Variants in SLC60A1 observed in about 807,000 individuals in gnomAD.
The protein encoded by SLC60A1 is solute carrier family 60 member 1.
the SLC60A1 span, chr1:205,600,188 G>A: frequency 1.4e-5 from 7 of 502,734 alleles, no homozygotes; most frequent in African/African-American, 1.4e-4. Flanking sequence ...CTTATTCATG[G>A]GAGACAGACA....
At chr1:205,597,937 T>A in the SLC60A1 span, 1 of 1,353,996 alleles carries the variant, frequency 7.4e-7, no homozygotes, top group Non-Finnish European at 1.1e-6. Flanking sequence ...CCTTCTGAAC[T>A]CAAACTGTCC....
At chr1:205,588,662 A>G in the SLC60A1 span, among the ~76,000 whole-genome samples, 1 of 149,598 alleles carries the variant, frequency 6.7e-6, no homozygotes, top group South Asian at 2.1e-4. Context: ...TGTAGATGTG[A>G]AGTGCCTGTG....
At chr1:205,572,527 G>A in the SLC60A1 span, among the ~76,000 whole-genome samples, 3 of 152,090 alleles carry the variant, frequency 2.0e-5, no homozygotes, top group African/African-American at 4.8e-5. Context: ...CCCAGACCTA[G>A]CTATGACTCC....
chr1:205,580,539 G>C, the SLC60A1 span: 1 of 1,293,236 alleles, frequency 7.7e-7, no homozygotes, highest in East Asian at 2.3e-5. This position sits in a 1 kb window ranked among gnomAD's most constrained non-coding sequence, Gnocchi z 5.0. Flanking sequence ...CCTACATGGG[G>C]CAGAGGGTGG....
chr1:205,579,551 C>T, the SLC60A1 span: 1 of 620,084 alleles, frequency 1.6e-6, no homozygotes, highest in Admixed American at 2.8e-5. Context: ...CTGCAGCCAC[C>T]TTGTGAGGTA....
chr1:205,594,508 T>C, the SLC60A1 span, among the ~76,000 whole-genome samples: 1 of 151,866 alleles, frequency 6.6e-6, no homozygotes. Flanking sequence ...GTACAAAAAT[T>C]AGCTAGGCGT....
chr1:205,581,449 C>T, the SLC60A1 span, among the ~76,000 whole-genome samples: 6 of 152,234 alleles, frequency 3.9e-5, no homozygotes, highest in East Asian at 3.9e-4. The surrounding 1 kb of genome is among the most constrained non-coding windows in gnomAD (Gnocchi z 4.2). Context: ...TACCGAGGCC[C>T]GCTTTGTACA....
chr1:205,575,788 C>T, the SLC60A1 span, among the ~76,000 whole-genome samples: 1 of 152,160 alleles, frequency 6.6e-6, no homozygotes, highest in Non-Finnish European at 1.5e-5. Flanking sequence ...CTGAGACTTC[C>T]TGAAGTAGGT....
the SLC60A1 span, among the ~76,000 whole-genome samples, chr1:205,590,228 G>A: frequency 3.8e-3 from 586 of 152,284 alleles, 4 homozygotes; most frequent in African/African-American, 0.013. Context: ...AGGGCACTGC[G>A]GACATGGAAG....
the SLC60A1 span, among the ~76,000 whole-genome samples, chr1:205,585,478 ACTT>A: frequency 6.6e-6 from 1 of 152,060 alleles, no homozygotes; most frequent in Non-Finnish European, 1.5e-5. This position sits in a 1 kb window ranked among gnomAD's most constrained non-coding sequence, Gnocchi z 4.2. Context: ...TTTTCCAGAA[ACTT>A]CTTAGGATTA....
chr1:205,585,969 C>G, the SLC60A1 span: 1 of 1,499,146 alleles, frequency 6.7e-7, no homozygotes, highest in Non-Finnish European at 8.9e-7. The surrounding 1 kb of genome is among the most constrained non-coding windows in gnomAD (Gnocchi z 4.2). Context: ...GCCTGGGCTC[C>G]CTTTGTGAGG....
At chr1:205,587,724 A>G in the SLC60A1 span, among the ~76,000 whole-genome samples, 1 of 152,148 alleles carries the variant, frequency 6.6e-6, no homozygotes, top group South Asian at 2.1e-4. Flanking sequence ...GGAGAGCGGG[A>G]GTGGAGGAGG....
At chr1:205,572,221 G>T in the SLC60A1 span, among the ~76,000 whole-genome samples, 1 of 152,204 alleles carries the variant, frequency 6.6e-6, no homozygotes, top group Non-Finnish European at 1.5e-5. Flanking sequence ...CAGGAAAGGG[G>T]AAGGGGTATT....
the SLC60A1 span, among the ~76,000 whole-genome samples, chr1:205,590,822 G>A: frequency 8.5e-5 from 13 of 152,250 alleles, no homozygotes; most frequent in South Asian, 2.3e-3. Context: ...CTCCTGAGAC[G>A]TCTAAGAAAA....
At chr1:205,594,988 C>T in the SLC60A1 span, 1 of 152,196 alleles carries the variant, frequency 6.6e-6, no homozygotes, top group Non-Finnish European at 1.5e-5. Flanking sequence ...CTAATGTGCA[C>T]CTAGAGGTGA....
At chr1:205,569,474 G>GCCTC in the SLC60A1 span, among the ~76,000 whole-genome samples, 36,892 of 137,236 alleles carry the variant, frequency 0.27, 5,515 homozygotes, top group East Asian at 0.85. Flanking sequence ...CCGAAGAGCT[G>GCCTC]CCTCCCTCCC....
At chr1:205,580,635 A>ACC in the SLC60A1 span, 20 of 852,410 alleles carry the variant, frequency 2.3e-5, no homozygotes, top group South Asian at 8.4e-5. This position sits in a 1 kb window ranked among gnomAD's most constrained non-coding sequence, Gnocchi z 5.0. Flanking sequence ...CCCCACCCCC[A>ACC]CCCGCCACCT....
At chr1:205,594,200 C>A in the SLC60A1 span, among the ~76,000 whole-genome samples, 2 of 152,212 alleles carry the variant, frequency 1.3e-5, no homozygotes. Context: ...AGCCACGCAC[C>A]CAGCTCCCAT....
the SLC60A1 span, among the ~76,000 whole-genome samples, chr1:205,590,827 A>C: frequency 6.6e-6 from 1 of 152,228 alleles, no homozygotes; most frequent in African/African-American, 2.4e-5. Flanking sequence ...GAGACGTCTA[A>C]GAAAAGCCCA....
Sources: allele counts gnomAD v4.1 joint callset (sites outside exome capture counted in the v4.1 genomes callset), GRCh38; gene constraint gnomAD v4.1.1; non-coding constraint Gnocchi (gnomAD v3.1); transcripts MANE v1.5; gene names NCBI Gene and HGNC (gene_info 2026-07-23, HGNC 2026-07-21).